The following TBX1 variants were observed in gnomAD, a reference collection of about 807,000 sequenced individuals.
TBX1 encodes T-box transcription factor 1.
In TBX1, 16 loss-of-function variants were observed where a neutral mutation model predicts 40.8. That is an observed-to-expected ratio of 0.39 (90% CI 0.27 to 0.60). The LOEUF (loss-of-function observed/expected upper bound fraction) is 0.60. TBX1 is among the 20% of genes least tolerant of loss of function. The pLI, the probability that TBX1 is intolerant of heterozygous loss-of-function variation, is 0.51. For missense variants in TBX1, 755 were observed against 728.5 expected (o/e 1.04, Z -0.42); for synonymous variants, 403 against 336.8 (o/e 1.20, Z -2.15).
intron 8 of TBX1, among the ~76,000 whole-genome samples, chr22:19,775,970 C>T (rs1156900694): frequency 1.3e-5 from 2 of 152,106 alleles, no homozygotes; most frequent in Admixed American, 6.5e-5. Context: ...TGCAGGGAGA[C>T]GGAGGGTTAC....
In TBX1 at chr22:19,766,010, C is replaced by T. The variant is rs1218530278; in HGVS notation, c.1036+8C>T. On this transcript the variant is annotated splice_region_variant and intron_variant, in intron 6 of 6. Transcript: ENST00000649276. ...CCAGCGGCACGGAGAAAGGTAGGGC[C>T]GGGGTCGTGGGATCCGGGTTCCGGC... 6.7e-7 allele frequency: 1 copy of T among 1,497,414 alleles called. No homozygotes were observed. The highest frequency in any genetic ancestry group is 1.2e-5 in the South Asian group (1 of 80,298). The allele number at this position is 1,497,414 out of a possible 1,614,324, so 92.8% of individuals were successfully genotyped here. A position where few individuals can be genotyped will look rare whatever the true frequency, so the allele number is the denominator to read the frequency against.
chr22:19,768,875 C>T (rs1209751809), downstream of TBX1, among the ~76,000 whole-genome samples: 1 of 151,812 alleles, frequency 6.6e-6, no homozygotes, highest in Non-Finnish European at 1.5e-5. Flanking sequence ...CGTGCCCCTC[C>T]TGTTGGGATG....
intron 3 of TBX1, 83 bp downstream of exon 3, chr22:19,764,409 A>C: frequency 6.4e-7 from 1 of 1,560,670 alleles, no homozygotes; most frequent in Non-Finnish European, 8.7e-7. Flanking sequence ...AGGCCTGTAG[A>C]ATCCCCAGGC....
downstream of TBX1, among the ~76,000 whole-genome samples, chr22:19,768,953 C>CTTT (rs36085623): frequency 2.2e-3 from 144 of 66,100 alleles, 10 homozygotes; most frequent in East Asian, 3.9e-3. Context: ...TGTTCGCATT[C>CTTT]TTTTTTTTTT....
Position 19,766,939 on chromosome 22 carries a change from C to G in TBX1, c.*72C>G. The G allele has an allele frequency of 1.9e-6, 3 of 1,545,606 alleles. No homozygotes were observed. Among genetic ancestry groups the G allele is most frequent in the Non-Finnish European group, 2.6e-6 (3 of 1,155,680 alleles). ...TTCGCCGGGCCCGGCCACCCTGCCCCAAGGGCAAGCAAGGAATACGTTCCC... is the reference window on the plus strand; with the variant it reads ...TTCGCCGGGCCCGGCCACCCTGCCCGAAGGGCAAGCAAGGAATACGTTCCC... On this transcript the variant is annotated 3_prime_UTR_variant, in exon 7 of 7. Transcript: ENST00000649276.
At chr22:19,757,762 C>T (rs1010387930), upstream of TBX1, among the ~76,000 whole-genome samples, 1 of 152,228 alleles carries the variant, frequency 6.6e-6, no homozygotes. Flanking sequence ...GGCCTGGAAC[C>T]AGCTGGTCCA....
At chr22:19,766,349 G>T in intron 6 of TBX1, 40 bp from the exon 7 acceptor site, 1 of 1,251,060 alleles carries the variant, frequency 8.0e-7, no homozygotes, top group Non-Finnish European at 1.0e-6. Flanking sequence ...CTCCTCGGCG[G>T]CCCCGGCCGG....
At position 19,764,152 on chromosome 22, in the gene TBX1, C is replaced by T. The variant is rs748428973; in HGVS notation, c.540-3C>T. The stretch of plus-strand genomic sequence containing the variant: ...TGCACGACCCCACCCCGTGCCGCTC[C>T]AGGTACGCCTTCCACAGCTCCTCCT... On this transcript the variant is annotated splice_region_variant and splice_polypyrimidine_tract_variant and intron_variant, in intron 2 of 6. Transcript: ENST00000649276. 4.3e-6 allele frequency: 7 copies of T among 1,612,848 alleles called. No individual in the cohort carries two copies. The highest frequency in any genetic ancestry group is 5.9e-6 in the Non-Finnish European group (7 of 1,179,884).
At chr22:19,760,449 TAAC>T (rs1326956528), upstream of TBX1, among the ~76,000 whole-genome samples, 1 of 145,738 alleles carries the variant, frequency 6.9e-6, no homozygotes, top group Non-Finnish European at 1.5e-5. Flanking sequence ...AAAGGTAAAA[TAAC>T]AAATTAGGAA....
intron 5 of TBX1, 36 bp downstream of exon 5, chr22:19,765,861 G>T (rs1243406496): frequency 1.9e-6 from 3 of 1,571,242 alleles, no homozygotes; most frequent in African/African-American, 1.4e-5. Context: ...AGCGCCGGGC[G>T]CCTGGCGCAG....
chr22:19,766,883 G>A lies in TBX1; in HGVS notation c.*16G>A, dbSNP rs761882175. 11 of 1,582,666 alleles carry A rather than the reference G, an allele frequency of 7.0e-6. No individual in the cohort carries two copies. The South Asian group carries it at 1.1e-4, about 16-fold the overall frequency. ...CCCCAGATAACACGGGCCCTGTCGC[G>A]CTCCCGCCCCGGTCCTGCACAGCCC... On this transcript the variant is annotated 3_prime_UTR_variant, in exon 7 of 7. Coordinates refer to ENST00000649276, the MANE Select transcript of TBX1 (RefSeq NM_001379200.1).
upstream of TBX1, among the ~76,000 whole-genome samples, chr22:19,760,717 TCGGGGC>T (rs1403758468): frequency 1.0e-5 from 1 of 97,718 alleles, no homozygotes; most frequent in Non-Finnish European, 2.0e-5. Flanking sequence ...GGGCGCCTCC[TCGGGGC>T]CGGCCTGCGG....
upstream of TBX1, chr22:19,760,766 G>A: frequency 3.1e-6 from 1 of 321,390 alleles, no homozygotes. Flanking sequence ...CGCACGCAGC[G>A]CGGCGCCCGC....
intron 8 of TBX1, among the ~76,000 whole-genome samples, chr22:19,777,161 T>C (rs551019339): frequency 6.6e-6 from 1 of 152,296 alleles, no homozygotes; most frequent in African/African-American, 2.4e-5. Context: ...GCTGCACCTA[T>C]TAACTCGTCA....
At chr22:19,774,578 G>A (rs998883661) in intron 8 of TBX1, among the ~76,000 whole-genome samples, 3 of 152,164 alleles carry the variant, frequency 2.0e-5, no homozygotes, top group African/African-American at 4.8e-5. Flanking sequence ...AGCGTCCACC[G>A]ATAAGTGAAC....
intron 2 of TBX1, chr22:19,763,548 T>G (rs1415230443): frequency 1.7e-6 from 1 of 599,586 alleles, no homozygotes; most frequent in African/African-American, 1.8e-5. Flanking sequence ...AACCCGCCTC[T>G]GGAGCCGCAG....
intron 8 of TBX1, among the ~76,000 whole-genome samples, chr22:19,773,728 A>G (rs143539525): frequency 6.2e-4 from 94 of 152,308 alleles, no homozygotes; most frequent in Non-Finnish European, 1.2e-3. Context: ...ATGGAGCCCC[A>G]GGCATCTCGG....
rs79954994 is a variant in TBX1 at position 19,777,513 on chromosome 22, A to G, written c.1010-1707A>G. On this transcript the variant is annotated intron_variant, in intron 8 of 8. Transcript: ENST00000329705. ...CTTTGCTATTGTGAATAGTGCTGCAATAAACATACGTGTGCATGTGTCTTT... is the reference window on the plus strand; with the variant it reads ...CTTTGCTATTGTGAATAGTGCTGCAGTAAACATACGTGTGCATGTGTCTTT... Among the ~76,000 whole-genome samples, 205 of 152,358 alleles carry G rather than the reference A, an allele frequency of 1.3e-3. 5 individuals carry two copies. The South Asian group carries it at 0.025, about 18-fold the overall frequency.
chr22:19,774,043 A>G (rs1937029269), intron 8 of TBX1, among the ~76,000 whole-genome samples: 1 of 152,226 alleles, frequency 6.6e-6, no homozygotes. Flanking sequence ...GGTGAATATT[A>G]AAGACTTGGA....
Sources: gnomAD v4.1 joint callset for allele counts (sites outside exome capture counted in the v4.1 genomes callset) on GRCh38, gnomAD v4.1.1 for gene constraint, MANE v1.5 for transcripts, NCBI Gene and HGNC (gene_info 2026-07-23, HGNC 2026-07-21) for gene names.